Variants in MOBP observed in about 807,000 individuals in gnomAD.
MOBP encodes the protein myelin associated oligodendrocyte basic protein.
Under a neutral mutation model 15.0 loss-of-function variants are expected in MOBP, and 5 were observed. The ratio of observed to expected loss-of-function variants is 0.33; its 90% CI spans 0.17 to 0.70. The LOEUF is 0.70. Among genes scored for constraint, MOBP ranks in the 30% least tolerant of loss-of-function variants. The probability of loss-of-function intolerance (pLI) is 0.67; values close to 1 mark genes in which losing one functional copy is unlikely to be tolerated. For missense variants in MOBP, 188 were observed against 257.8 expected (o/e 0.73, Z 1.85); for synonymous variants, 88 against 99.0 (o/e 0.89, Z 0.66).
At chr3:39,516,330 G>C (rs958781541), downstream of MOBP, among the ~76,000 whole-genome samples, 5 of 152,192 alleles carry the variant, frequency 3.3e-5, no homozygotes, top group African/African-American at 1.2e-4. Context: ...GTGGATCACT[G>C]ATGGAGCCAG....
chr3:39,476,547 T>A (rs1221094789), intron 1 of MOBP, among the ~76,000 whole-genome samples: 1 of 152,228 alleles, frequency 6.6e-6, no homozygotes, highest in East Asian at 1.9e-4. Context: ...ATTCTCACTA[T>A]CTATAATGTA....
intron 1 of MOBP, among the ~76,000 whole-genome samples, chr3:39,472,584 A>C (rs2042486775): frequency 6.6e-6 from 1 of 152,206 alleles, no homozygotes; most frequent in Admixed American, 6.5e-5. Context: ...ATGATGGACC[A>C]TCCTGGAGTG....
chr3:39,486,081 GT>G (rs2125637123), intron 2 of MOBP, among the ~76,000 whole-genome samples: 1 of 152,190 alleles, frequency 6.6e-6, no homozygotes, highest in East Asian at 1.9e-4. Context: ...AATCTTTTTA[GT>G]TTATAAAAGA....
At chr3:39,484,404 G>A (rs765789661) in intron 2 of MOBP, among the ~76,000 whole-genome samples, 8 of 152,156 alleles carry the variant, frequency 5.3e-5, no homozygotes, top group Non-Finnish European at 1.2e-4. Flanking sequence ...AAGTTTTTGA[G>A]TAGGGACAGG....
At chr3:39,472,509 G>A (rs1253219928) in intron 1 of MOBP, among the ~76,000 whole-genome samples, 3 of 152,172 alleles carry the variant, frequency 2.0e-5, no homozygotes, top group African/African-American at 7.2e-5. Flanking sequence ...CATCTGGGCC[G>A]TAAAAGTCAC....
At chr3:39,501,923 G>T in intron 2 of MOBP, 143 bp from the exon 3 acceptor site, 1 of 621,670 alleles carries the variant, frequency 1.6e-6, no homozygotes. Context: ...GGGGGAAGTT[G>T]GTCTTCCAGG....
At chr3:39,518,227 G>A (rs1199281468), downstream of MOBP, among the ~76,000 whole-genome samples, 1 of 152,150 alleles carries the variant, frequency 6.6e-6, no homozygotes, top group Non-Finnish European at 1.5e-5. Context: ...GAACCCAAAA[G>A]GTGCAAGGAT....
downstream of MOBP, among the ~76,000 whole-genome samples, chr3:39,507,348 T>C (rs1452122721): frequency 6.6e-6 from 1 of 152,190 alleles, no homozygotes; most frequent in Non-Finnish European, 1.5e-5. Flanking sequence ...TTCCCCTGCA[T>C]ATAAATGCTG....
rs1484762995 is a variant in MOBP at position 39,480,020 on chromosome 3, T to C, written c.-88-20T>C. 1 of 143,510 alleles carries C rather than the reference T, an allele frequency of 7.0e-6. No homozygotes were observed. Among genetic ancestry groups the C allele is most frequent in the East Asian group, 2.0e-4 (1 of 5,068 alleles). 8.9% of individuals were successfully genotyped at this position (143,510 alleles called of 1,614,324 possible). A position where few individuals can be genotyped will look rare whatever the true frequency, so the allele number is the denominator to read the frequency against. On this transcript the variant is annotated intron_variant, in intron 1 of 3. Coordinates refer to ENST00000684792, the MANE Select transcript of MOBP (RefSeq NM_001393704.1). ...AAAACACTATATTAACCAGAGCATATTCTACTGCTTCACTTTTAGGAAAAA... is the reference window on the plus strand; with the variant it reads ...AAAACACTATATTAACCAGAGCATACTCTACTGCTTCACTTTTAGGAAAAA...
At position 39,502,505 on chromosome 3, in the gene MOBP, C is replaced by T; in HGVS notation, c.207-30C>T. On this transcript the variant is annotated intron_variant, in intron 3 of 3. Coordinates refer to ENST00000684792, the MANE Select transcript of MOBP (RefSeq NM_001393704.1). The surrounding 1 kb of genome is among the most constrained non-coding windows in gnomAD (Gnocchi z 6.3). ...TAAGCAGCAGAGGAGAGCCCTGGCTCCCGCCTCCAGCTTCTTTTGGCCCTC... is the reference window on the plus strand; with the variant it reads ...TAAGCAGCAGAGGAGAGCCCTGGCTTCCGCCTCCAGCTTCTTTTGGCCCTC... 1 of 1,557,750 alleles carries T rather than the reference C, an allele frequency of 6.4e-7. No homozygotes were observed.
chr3:39,479,016 G>A (rs1376505470), intron 1 of MOBP, among the ~76,000 whole-genome samples: 1 of 152,032 alleles, frequency 6.6e-6, no homozygotes, highest in South Asian at 2.1e-4. Context: ...TTTTAGTAGA[G>A]ACGGGGCTTC....
At chr3:39,475,128 A>C (rs906488511) in intron 1 of MOBP, among the ~76,000 whole-genome samples, 1 of 152,056 alleles carries the variant, frequency 6.6e-6, no homozygotes, top group African/African-American at 2.4e-5. Context: ...TGACCTTTAG[A>C]CTTTTTAAAA....
downstream of MOBP, among the ~76,000 whole-genome samples, chr3:39,503,216 C>T (rs2043001936): frequency 6.6e-6 from 1 of 152,070 alleles, no homozygotes; most frequent in Admixed American, 6.5e-5. Context: ...CGAATGGTGA[C>T]TCTAATCAAT....
At chr3:39,510,290 T>G (rs931906828) in intron 4 of MOBP, among the ~76,000 whole-genome samples, 1 of 152,098 alleles carries the variant, frequency 6.6e-6, no homozygotes, top group Non-Finnish European at 1.5e-5. Context: ...TTTAAAAAAA[T>G]TGTTCTGGTA....
chr3:39,507,209 C>A (rs2125662382), downstream of MOBP, among the ~76,000 whole-genome samples: 1 of 152,314 alleles, frequency 6.6e-6, no homozygotes. Context: ...GTTGGAAAAC[C>A]TAATCTGTCT....
intron 1 of MOBP, among the ~76,000 whole-genome samples, chr3:39,477,259 A>G (rs2042557307): frequency 6.6e-6 from 1 of 152,112 alleles, no homozygotes; most frequent in Admixed American, 6.5e-5. Flanking sequence ...CAGTTGTGCA[A>G]CTTTGGATTT....
At chr3:39,474,618 C>T (rs1262808393) in intron 1 of MOBP, among the ~76,000 whole-genome samples, 1 of 152,172 alleles carries the variant, frequency 6.6e-6, no homozygotes, top group Non-Finnish European at 1.5e-5. Context: ...AACTTATACA[C>T]ATCATCCCTC....
chr3:39,515,486 G>A (rs1309116822), exon 5 of MOBP: 2 of 152,212 alleles, frequency 1.3e-5, no homozygotes, highest in African/African-American at 2.4e-5. Context: ...AGGGAGGAGA[G>A]GCCATGCCCT....
chr3:39,475,875 G>A (rs2042538742), intron 1 of MOBP, among the ~76,000 whole-genome samples: 1 of 152,108 alleles, frequency 6.6e-6, no homozygotes, highest in Non-Finnish European at 1.5e-5. Context: ...CTTTACCAGT[G>A]TAGCCTAGTA....
Sources: allele counts gnomAD v4.1 joint callset (sites outside exome capture counted in the v4.1 genomes callset), GRCh38; gene constraint gnomAD v4.1.1; non-coding constraint Gnocchi (gnomAD v3.1); transcripts MANE v1.5; gene names NCBI Gene and HGNC (gene_info 2026-07-23, HGNC 2026-07-21).